POLN: variants seen among roughly 807,000 people sequenced by gnomAD.
POLN encodes the protein DNA polymerase nu, also known as DNA polymerase N.
In POLN, 108 loss-of-function variants were observed where a neutral mutation model predicts 113.5. The ratio of observed to expected loss-of-function variants is 0.95; its 90% CI spans 0.81 to 1.12. The LOEUF (loss-of-function observed/expected upper bound fraction) is 1.12, where lower values mean the gene tolerates loss of function less well. POLN is among the 50% of genes most tolerant of loss of function. POLN has a pLI of 0.00. For synonymous variants in POLN, 386 were observed against 391.5 expected, an observed-to-expected ratio of 0.99 and a Z score of 0.17; for missense variants, 1,097 against 1,077.1, an observed-to-expected ratio of 1.02 and a Z score of -0.26.
At chr4:2,112,344 A>C (rs1318170675) in intron 19 of POLN, among the ~76,000 whole-genome samples, 1 of 152,238 alleles carries the variant, frequency 6.6e-6, no homozygotes, top group Non-Finnish European at 1.5e-5. Flanking sequence ...TTCATGTCTA[A>C]AACACCAAAG....
chr4:2,205,237 C>G (rs534828885), intron 5 of POLN, among the ~76,000 whole-genome samples: 3 of 152,136 alleles, frequency 2.0e-5, no homozygotes, highest in Non-Finnish European at 4.4e-5. Flanking sequence ...AGAATTCAGC[C>G]AAGTTTCTGG....
chr4:2,095,802 G>A (rs1560984732), intron 20 of POLN, 49 bp downstream of exon 20: 1 of 1,524,920 alleles, frequency 6.6e-7, no homozygotes, highest in Non-Finnish European at 9.1e-7. Context: ...GCACACAGCT[G>A]CCAGCTTACA....
At chr4:2,130,128 G>A (rs965746419) in intron 17 of POLN, among the ~76,000 whole-genome samples, 2 of 152,010 alleles carry the variant, frequency 1.3e-5, no homozygotes, top group Non-Finnish European at 2.9e-5. Context: ...AATGGTGCAT[G>A]CCTGTAATCC....
At chr4:2,074,313 G>T (rs1730225443) in intron 24 of POLN, among the ~76,000 whole-genome samples, 1 of 152,148 alleles carries the variant, frequency 6.6e-6, no homozygotes, top group Non-Finnish European at 1.5e-5. Flanking sequence ...GATGGTGCAG[G>T]CCCCGCCCGA....
chr4:2,236,756 C>T lies in POLN; in HGVS notation c.-13+4764G>A, dbSNP rs973655974. On this transcript the variant is annotated intron_variant, in intron 2 of 25. Transcript: ENST00000511885. ...CATGCACCTATAGTCCCAGATACTC[C>T]GGAGGCTGAGGCAGGAGGATTGCTT... 5.3e-5 allele frequency among the ~76,000 whole-genome samples: 8 copies of T among 151,776 alleles called. No homozygotes were observed. The East Asian group carries it at 9.7e-4, about 18-fold the overall frequency.
At chr4:2,235,123 A>T (rs544151312) in intron 2 of POLN, among the ~76,000 whole-genome samples, 12 of 152,338 alleles carry the variant, frequency 7.9e-5, no homozygotes, top group Admixed American at 6.5e-4. Context: ...TGACCTTGTG[A>T]TCCACCCGCC....
At chr4:2,159,632 T>C (rs548106081) in intron 13 of POLN, among the ~76,000 whole-genome samples, 4 of 152,334 alleles carry the variant, frequency 2.6e-5, no homozygotes, top group South Asian at 2.1e-4. Context: ...TAAGAAAAGT[T>C]TGTTAATTAT....
chr4:2,239,501 A>G (rs1253365731), intron 2 of POLN, among the ~76,000 whole-genome samples: 1 of 152,248 alleles, frequency 6.6e-6, no homozygotes, highest in African/African-American at 2.4e-5. Context: ...ATTCTGATTC[A>G]GAAAAGTTAC....
intron 8 of POLN, chr4:2,177,396 T>G (rs1374465743): frequency 2.1e-5 from 8 of 383,192 alleles, no homozygotes; most frequent in Non-Finnish European, 5.2e-6. Flanking sequence ...CTCTTCCATT[T>G]ATCTGAACAA....
intron 18 of POLN, among the ~76,000 whole-genome samples, chr4:2,128,710 G>A (rs547620768): frequency 6.6e-6 from 1 of 152,296 alleles, no homozygotes; most frequent in Non-Finnish European, 1.5e-5. Context: ...ATACGGTGAT[G>A]TGACGGGACA....
chr4:2,089,006 T>G (rs1404329087), intron 20 of POLN: 1 of 874,014 alleles, frequency 1.1e-6, no homozygotes, highest in African/African-American at 1.7e-5. Flanking sequence ...ATTGTTTTTC[T>G]CATTATCCTT....
chr4:2,228,040 A>G (rs2108773125), intron 3 of POLN: 2 of 152,464 alleles, frequency 1.3e-5, no homozygotes, highest in Non-Finnish European at 2.9e-5. Flanking sequence ...ATGGATCAAA[A>G]CGTTAAGTGC....
At chr4:2,074,368 T>C (rs1358948571) in intron 24 of POLN, among the ~76,000 whole-genome samples, 1 of 152,158 alleles carries the variant, frequency 6.6e-6, no homozygotes, top group African/African-American at 2.4e-5. Context: ...CGAGTGCTCC[T>C]GAGAGAGCAG....
At chr4:2,236,987 AACT>A (rs1436744922) in intron 2 of POLN, among the ~76,000 whole-genome samples, 2 of 151,808 alleles carry the variant, frequency 1.3e-5, no homozygotes, top group Non-Finnish European at 2.9e-5. Context: ...TATATATTCT[AACT>A]ACTACATTAG....
chr4:2,086,016 G>A (rs967228903), intron 20 of POLN, among the ~76,000 whole-genome samples: 11 of 152,316 alleles, frequency 7.2e-5, no homozygotes, highest in Non-Finnish European at 1.2e-4. Context: ...CTCCCAGTGC[G>A]GCCAGTGGGA....
At chr4:2,238,501 C>T in intron 2 of POLN, 1 of 647,012 alleles carries the variant, frequency 1.5e-6, no homozygotes, top group African/African-American at 1.9e-5. Context: ...AAGTGAAATG[C>T]AAAGAATTGT....
intron 5 of POLN, among the ~76,000 whole-genome samples, chr4:2,203,645 T>C (rs551979634): frequency 6.7e-6 from 1 of 149,262 alleles, no homozygotes; most frequent in South Asian, 2.1e-4. Flanking sequence ...ACCTCTGGGA[T>C]AGCCCTAAAC....
At chr4:2,113,285 T>TAAA (rs1731241542) in intron 19 of POLN, among the ~76,000 whole-genome samples, 1 of 150,436 alleles carries the variant, frequency 6.6e-6, no homozygotes, top group African/African-American at 2.4e-5. Context: ...TACCTAATGC[T>TAAA]AAATGACGAG....
At chr4:2,241,057 A>C in intron 2 of POLN, 1 of 763,548 alleles carries the variant, frequency 1.3e-6, no homozygotes, top group Non-Finnish European at 2.1e-6. Flanking sequence ...TCCACAGAGA[A>C]GGGAAAATAT....
Sources: gnomAD v4.1 joint callset for allele counts (sites outside exome capture counted in the v4.1 genomes callset) on GRCh38, gnomAD v4.1.1 for gene constraint, MANE v1.5 for transcripts, NCBI Gene and HGNC (gene_info 2026-07-23, HGNC 2026-07-21) for gene names.